Variants in GLIS3 observed in about 807,000 individuals in gnomAD.
GLIS3 encodes the protein GLIS family zinc finger 3, also known as zinc finger protein GLIS3.
GLIS3 carries 53 observed loss-of-function variants against 78.6 expected under a neutral mutation model. That is an observed-to-expected ratio of 0.67 (90% CI 0.54 to 0.85). GLIS3 has a LOEUF of 0.85. Ranked by LOEUF, GLIS3 falls within the 40% of genes least tolerant of loss-of-function variation. The pLI, the probability that GLIS3 is intolerant of heterozygous loss-of-function variation, is 0.00. For missense variants in GLIS3, 1,703 were observed against 1,231.1 expected (o/e 1.38, Z -5.74); for synonymous variants, 684 against 509.9 (o/e 1.34, Z -4.60).
intron 2 of GLIS3, among the ~76,000 whole-genome samples, chr9:4,278,710 T>G (rs995685324): frequency 2.0e-5 from 3 of 152,214 alleles, no homozygotes; most frequent in Non-Finnish European, 2.9e-5. Context: ...CATCAATGGA[T>G]GCTATGAAAG....
intron 6 of GLIS3, among the ~76,000 whole-genome samples, chr9:3,921,235 CTAAGT>C (rs765602577): frequency 5.9e-5 from 9 of 152,178 alleles, no homozygotes; most frequent in Admixed American, 1.3e-4. Context: ...TCTCATTTAA[CTAAGT>C]TGTGTCCAGG....
intron 4 of GLIS3, among the ~76,000 whole-genome samples, chr9:4,029,430 C>A (rs1369882555): frequency 6.6e-6 from 1 of 152,150 alleles, no homozygotes; most frequent in Non-Finnish European, 1.5e-5. Flanking sequence ...TTATCCGTCC[C>A]CTTAAGCATT....
chr9:4,357,472 G>C, the GLIS3 span, among the ~76,000 whole-genome samples: 3 of 151,980 alleles, frequency 2.0e-5, no homozygotes, highest in Non-Finnish European at 4.4e-5. Context: ...TCCAGACTCA[G>C]ACTTTATCCC....
At chr9:4,075,721 G>C (rs1231171495) in intron 4 of GLIS3, among the ~76,000 whole-genome samples, 1 of 152,134 alleles carries the variant, frequency 6.6e-6, no homozygotes, top group Non-Finnish European at 1.5e-5. Context: ...TGCCCACCAA[G>C]AAGTGTATGC....
At chr9:4,391,085 C>T in the GLIS3 span, among the ~76,000 whole-genome samples, 1 of 152,104 alleles carries the variant, frequency 6.6e-6, no homozygotes, top group African/African-American at 2.4e-5. Context: ...TATCTCTGCC[C>T]ACCATCGCTG....
chr9:4,472,100 G>A, the GLIS3 span, among the ~76,000 whole-genome samples: 72 of 152,288 alleles, frequency 4.7e-4, 1 homozygote, highest in African/African-American at 1.7e-3. Flanking sequence ...TAAAAAGTCA[G>A]GAAACAACAG....
the GLIS3 span, among the ~76,000 whole-genome samples, chr9:4,408,735 A>C: frequency 1.8e-4 from 28 of 151,392 alleles, no homozygotes; most frequent in East Asian, 2.5e-3. Flanking sequence ...TCAAAAAAAA[A>C]AAAAAAAAAA....
At chr9:4,242,965 G>A (rs918799381) in intron 2 of GLIS3, among the ~76,000 whole-genome samples, 2 of 152,024 alleles carry the variant, frequency 1.3e-5, no homozygotes, top group Non-Finnish European at 2.9e-5. Context: ...TACTACTCTT[G>A]ATAAGCCATA....
chr9:4,179,668 G>A (rs969313469), intron 2 of GLIS3, among the ~76,000 whole-genome samples: 3 of 152,148 alleles, frequency 2.0e-5, no homozygotes, highest in Admixed American at 6.5e-5. Context: ...CTAGCACTTT[G>A]GGAGGCTGAG....
the GLIS3 span, among the ~76,000 whole-genome samples, chr9:4,439,813 G>C: frequency 6.6e-6 from 1 of 152,042 alleles, no homozygotes; most frequent in Non-Finnish European, 1.5e-5. Context: ...CAAACAGCTG[G>C]GATTACAGGA....
At chr9:4,238,945 T>C (rs892179759) in intron 2 of GLIS3, among the ~76,000 whole-genome samples, 1 of 152,014 alleles carries the variant, frequency 6.6e-6, no homozygotes, top group African/African-American at 2.4e-5. Flanking sequence ...AAACGTTGTT[T>C]TTTGTCCCTG....
the GLIS3 span, among the ~76,000 whole-genome samples, chr9:4,423,262 G>A: frequency 0.18 from 26,822 of 152,038 alleles, 2,633 homozygotes; most frequent in Middle Eastern, 0.26. Context: ...CAGACCCCAA[G>A]ACCCCTAATT....
chr9:4,298,761 T>G (rs1444899152), intron 1 of GLIS3, among the ~76,000 whole-genome samples: 2 of 150,380 alleles, frequency 1.3e-5, no homozygotes, highest in African/African-American at 2.5e-5. Flanking sequence ...GCGTGGGAGG[T>G]TATAGTTCCA....
the GLIS3 span, among the ~76,000 whole-genome samples, chr9:4,397,127 G>A: frequency 7.3e-5 from 10 of 137,046 alleles, no homozygotes; most frequent in Admixed American, 7.4e-4. Context: ...CTGGGTTCAC[G>A]CCATTCTCCT....
the GLIS3 span, among the ~76,000 whole-genome samples, chr9:4,376,674 C>CA: frequency 1.8e-4 from 24 of 132,746 alleles, 3 homozygotes; most frequent in South Asian, 3.1e-4. Context: ...TTCACCCTGA[C>CA]AAAAAAGAAA....
At chr9:4,485,592 G>C in the GLIS3 span, among the ~76,000 whole-genome samples, 2 of 152,124 alleles carry the variant, frequency 1.3e-5, no homozygotes, top group African/African-American at 4.8e-5. Context: ...GACTAGCTTT[G>C]CATTAATTAA....
chr9:4,131,299 G>T (rs1193074332), intron 2 of GLIS3, among the ~76,000 whole-genome samples: 1 of 152,144 alleles, frequency 6.6e-6, no homozygotes, highest in African/African-American at 2.4e-5. Flanking sequence ...GGAGACTGTT[G>T]AGATGGGATG....
the GLIS3 span, among the ~76,000 whole-genome samples, chr9:4,429,169 A>G: frequency 6.6e-6 from 1 of 152,270 alleles, no homozygotes; most frequent in East Asian, 1.9e-4. Flanking sequence ...CTCCAGATAG[A>G]GTTACCTTTT....
At chr9:4,222,527 G>C (rs1389876619) in intron 2 of GLIS3, among the ~76,000 whole-genome samples, 1 of 152,182 alleles carries the variant, frequency 6.6e-6, no homozygotes, top group Non-Finnish European at 1.5e-5. Flanking sequence ...AACATAAATA[G>C]ACCCAGCCAA....
Sources: gnomAD v4.1 joint callset for allele counts (sites outside exome capture counted in the v4.1 genomes callset) on GRCh38, gnomAD v4.1.1 for gene constraint, MANE v1.5 for transcripts, NCBI Gene and HGNC (gene_info 2026-07-23, HGNC 2026-07-21) for gene names.